Variants in CDHR4 observed in about 807,000 individuals in gnomAD.
The protein encoded by CDHR4 is cadherin related family member 4.
A neutral mutation model predicts 88.4 loss-of-function variants in CDHR4; 89 were observed. That is an observed-to-expected ratio of 1.01 (90% CI 0.85 to 1.20). The LOEUF (loss-of-function observed/expected upper bound fraction) is 1.20. Among genes scored for constraint, CDHR4 ranks in the 50% most tolerant of loss-of-function variants. The pLI, the probability that CDHR4 is intolerant of heterozygous loss-of-function variation, is 0.00. For missense variants in CDHR4, 914 were observed against 1,007.2 expected (o/e 0.91, Z 1.25); for synonymous variants, 368 against 399.2 (o/e 0.92, Z 0.93).
intron 4 of CDHR4, among the ~76,000 whole-genome samples, chr3:49,797,255 C>G (rs144362614): frequency 6.6e-6 from 1 of 150,420 alleles, no homozygotes; most frequent in East Asian, 1.9e-4. Flanking sequence ...CTTTCCTTCT[C>G]TCTTCCTCCC....
In CDHR4 at chr3:49,793,914, G is replaced by A. The variant is rs1208501107; in HGVS notation, c.1372C>T (p.Pro458Ser). The A allele has an allele frequency of 6.4e-7, 1 of 1,551,780 alleles. No homozygotes were observed. The highest frequency in any genetic ancestry group is 8.7e-7 in the Non-Finnish European group (1 of 1,146,994). ...ACCACGGAGCCCAGTAGAGTGTGGGGCGCCGCATCCTCCTGAACCCGGAAC... is the reference window on the plus strand; with the variant it reads ...ACCACGGAGCCCAGTAGAGTGTGGGACGCCGCATCCTCCTGAACCCGGAAC... ...RTFRVQEDAA[P>S]HTLLGSVVGT... The change falls in exon 11 of 19, where the codon CCC (proline) becomes TCC (serine). Residue 458 changes from proline to serine, a missense_variant. Pro to Ser is a moderately conservative substitution (Grantham distance 74). Coordinates refer to ENST00000412678, the MANE Select transcript of CDHR4 (RefSeq NM_001007540.4).
At position 49,791,374 on chromosome 3, in the gene CDHR4, AGAG is replaced by A. The variant is rs1321856432; in HGVS notation, c.2311+64_2311+66del. On this transcript the variant is annotated intron_variant, in intron 18 of 18. Transcript: ENST00000412678. ...GAGGAGATATTGAGATGGGGTAAAG[AGAG>A]GAGGAGATACTCAGATGGGGTGAGG... The A allele has an allele frequency of 2.0e-6, 3 of 1,477,436 alleles. No homozygotes were observed. The African/African-American group carries it at 4.3e-5, about 21-fold the overall frequency. The allele number at this position is 1,477,436 out of a possible 1,614,324, so 91.5% of individuals were successfully genotyped here. A position where few individuals can be genotyped will look rare whatever the true frequency, so the allele number is the denominator to read the frequency against.
At chr3:49,801,513 T>C (rs1274364826), upstream of CDHR4, among the ~76,000 whole-genome samples, 1 of 152,156 alleles carries the variant, frequency 6.6e-6, no homozygotes, top group African/African-American at 2.4e-5. Context: ...AAGTCCAGAG[T>C]CATACACCTA....
rs2081257557 is a variant in CDHR4, at chr3:49,795,565, G to A, written c.847+63C>T. The A allele has an allele frequency of 6.5e-7, 1 of 1,541,356 alleles. No homozygotes were observed. On this transcript the variant is annotated intron_variant, in intron 7 of 18. Transcript: ENST00000412678. The surrounding 1 kb of genome is among the most constrained non-coding windows in gnomAD (Gnocchi z 5.4). ...ACAGGAAGGTGAAGAGGTACTATGG[G>A]TCACCTCTGGACCAGCCACAGAGGC...
In CDHR4 at chr3:49,796,954, G is replaced by T. The variant is rs1265638832; in HGVS notation, c.574C>A (p.Pro192Thr). The T allele has an allele frequency of 6.4e-7, 1 of 1,551,698 alleles. No homozygotes were observed. Among genetic ancestry groups the T allele is most frequent in the South Asian group, 1.2e-5 (1 of 84,066 alleles). ...SINEQGWLQA[P>T]SQGLLGQAQK... ...GCCTGGCCTAGGAGGCCCTGGGATG[G>T]TGCCTGCAGCCAACCTTGCTCATTG... Residue 192 changes from proline (P) to threonine (T), a missense_variant, in exon 5 of 19, where the codon CCA becomes ACA. Physicochemically the swap from Pro to Thr is conservative, Grantham distance 38. Coordinates refer to ENST00000412678, the MANE Select transcript of CDHR4 (RefSeq NM_001007540.4).
intron 10 of CDHR4, among the ~76,000 whole-genome samples, chr3:49,794,295 G>A (rs2108280515): frequency 6.6e-6 from 1 of 152,306 alleles, no homozygotes; most frequent in African/African-American, 2.4e-5. Context: ...CTACTCTGGA[G>A]GCTGAGGCAG....
chr3:49,795,128 G>A lies in CDHR4; in HGVS notation c.1032-28C>T. ...GAGAGTATGCAGTGGCAGCAAGGCA[G>A]GAGTCTGGCAGTACCCTGAGTCATG... On this transcript the variant is annotated intron_variant, in intron 8 of 18. Transcript: ENST00000412678. The surrounding 1 kb of genome is among the most constrained non-coding windows in gnomAD (Gnocchi z 5.4). 1 of 1,551,610 alleles carries A rather than the reference G, an allele frequency of 6.4e-7. No homozygotes were observed. The highest frequency in any genetic ancestry group is 1.2e-5 in the South Asian group (1 of 84,066).
chr3:49,795,458 C>A lies in CDHR4; in HGVS notation c.848-79G>T. The A allele has an allele frequency of 6.6e-7, 1 of 1,508,208 alleles. No individual in the cohort carries two copies. Among genetic ancestry groups the A allele is most frequent in the Non-Finnish European group, 8.9e-7 (1 of 1,123,980 alleles). The allele number at this position is 1,508,208 out of a possible 1,614,324, so 93.4% of individuals were successfully genotyped here. On this transcript the variant is annotated intron_variant, in intron 7 of 18. Coordinates refer to ENST00000412678, the MANE Select transcript of CDHR4 (RefSeq NM_001007540.4). This position sits in a 1 kb window ranked among gnomAD's most constrained non-coding sequence, Gnocchi z 5.4. ...CCCCGCCTCCCAGCTCAGTCCCACT[C>A]CTGCCAGCCCACCAGATCCATAGGC...
At chr3:49,797,120 C>G (rs923345507) in intron 4 of CDHR4, 88 bp from the exon 5 acceptor site, 3 of 1,008,094 alleles carry the variant, frequency 3.0e-6, no homozygotes, top group African/African-American at 3.2e-5. Flanking sequence ...CCTCCAGCAA[C>G]CCAGCAGGCA....
chr3:49,793,537 C>T (rs1248000688), intron 12 of CDHR4, 46 bp downstream of exon 12: 1 of 1,546,410 alleles, frequency 6.5e-7, no homozygotes, highest in African/African-American at 1.4e-5. Flanking sequence ...AATCTGAACT[C>T]CTGTCTTTCC....
chr3:49,793,799 G>A lies in CDHR4; in HGVS notation c.1483+4C>T. 1.3e-6 allele frequency: 2 copies of A among 1,551,756 alleles called. No individual in the cohort carries two copies. Among genetic ancestry groups the A allele is most frequent in the South Asian group, 1.2e-5 (1 of 84,068 alleles). On this transcript the variant is annotated splice_donor_region_variant and intron_variant, in intron 11 of 18. Transcript: ENST00000412678. ...TTTCCATCCCAGCCCTGGGGTGGAT[G>A]TACCGCTGAGACGGTCCACAGCAAA...
In CDHR4 at chr3:49,799,397, G is replaced by T; in HGVS notation, c.90C>A (p.Ser30Arg). 6.2e-7 allele frequency: 1 copy of T among 1,608,780 alleles called. No individual in the cohort carries two copies. Among genetic ancestry groups the T allele is most frequent in the Non-Finnish European group, 8.5e-7 (1 of 1,177,770 alleles). The change falls in exon 2 of 19, where the codon AGC (serine) becomes AGA (arginine). Residue 30 changes from serine (S) to arginine (R), a missense_variant. Transcript: ENST00000412678. The stretch of plus-strand genomic sequence containing the variant: ...ACTGAAGGACTGTGCCAGGGCCCTG[G>T]CTCTCAGAGACATTTATAAAGCAGG... ...SLPCFINVSE[S>R]QGPGTVLQFL...
At position 49,792,966 on chromosome 3, in the gene CDHR4, C is replaced by G; in HGVS notation, c.1883G>C (p.Cys628Ser). The G allele has an allele frequency of 6.4e-7, 1 of 1,551,678 alleles. No individual in the cohort carries two copies. Residue 628 changes from cysteine (C) to serine (S), a missense_variant, in exon 14 of 19, where the codon TGT becomes TCT. Physicochemically the swap from Cys to Ser is moderately radical, Grantham distance 112. Coordinates refer to ENST00000412678, the MANE Select transcript of CDHR4 (RefSeq NM_001007540.4). ...EQPRTYELLI[C>S]VADAGPSTPH... The stretch of plus-strand genomic sequence containing the variant: ...GGTGGAGGGGCCTGCATCGGCCACA[C>G]AGATCAGTAGCTCATAGGTACGGGG...
chr3:49,797,197 CCTTT>C (rs891638543), intron 4 of CDHR4, among the ~76,000 whole-genome samples, 165 bp from the exon 5 acceptor site: 75 of 151,984 alleles, frequency 4.9e-4, no homozygotes, highest in African/African-American at 9.9e-4. Context: ...CTCCTTCCTT[CCTTT>C]CTTTCTTTCC....
At position 49,794,639 on chromosome 3, in the gene CDHR4, C is replaced by G; in HGVS notation, c.1248G>C (p.Leu416=). The part of the protein sequence containing the change: ...GACFQHAASI[L]VLDGGQPQMT... ...TCTGGGGCTGGCCACCATCGAGCAC[C>G]AGGATGGAGGCTGCATGCTGGAAGC... Residue 416 remains leucine, a synonymous_variant, in exon 10 of 19, where the codon CTG becomes CTC. Transcript: ENST00000412678. 6.4e-7 allele frequency: 1 copy of G among 1,551,294 alleles called. No individual in the cohort carries two copies. The highest frequency in any genetic ancestry group is 1.2e-5 in the South Asian group (1 of 84,004).
At chr3:49,801,798 A>G (rs2108294042), upstream of CDHR4, among the ~76,000 whole-genome samples, 1 of 152,338 alleles carries the variant, frequency 6.6e-6, no homozygotes, top group African/African-American at 2.4e-5. Context: ...TGCCCTGCCC[A>G]GGCCTAGGCC....
intron 4 of CDHR4, among the ~76,000 whole-genome samples, chr3:49,797,600 G>GCCTCC (rs1449595689): frequency 6.6e-6 from 1 of 152,096 alleles, no homozygotes; most frequent in East Asian, 1.9e-4. Context: ...TTCAGTCTCA[G>GCCTCC]CCTCCCGAAT....
chr3:49,799,006 A>G lies in CDHR4; in HGVS notation c.391T>C (p.Phe131Leu), dbSNP rs1489782227. The G allele has an allele frequency of 3.1e-6, 5 of 1,609,076 alleles. No individual in the cohort carries two copies. In the East Asian group the frequency reaches 8.9e-5, roughly 29 times the overall value. ...CCCCTGGCCTCACCTGGGCTGGCAA[A>G]TTGACCAGCACACTGGATATGGCTA... ...DLSHIQCAGQFASPAGEMIQV... is the reference protein window; with the variant it reads ...DLSHIQCAGQLASPAGEMIQV... Residue 131 changes from phenylalanine to leucine, a missense_variant, in exon 3 of 19, where the codon TTT becomes CTT. Transcript: ENST00000412678.
chr3:49,800,858 C>CAACA (rs1303445574), upstream of CDHR4, among the ~76,000 whole-genome samples: 1 of 109,800 alleles, frequency 9.1e-6, no homozygotes, highest in Non-Finnish European at 1.8e-5. Context: ...CCAGCCTGGA[C>CAACA]AACATGGTGA....
Sources: gnomAD v4.1 joint callset for allele counts (sites outside exome capture counted in the v4.1 genomes callset) on GRCh38, gnomAD v4.1.1 for gene constraint, Gnocchi (gnomAD v3.1) non-coding constraint, MANE v1.5 for transcripts, NCBI Gene and HGNC (gene_info 2026-07-23, HGNC 2026-07-21) for gene names.